SLC2A13: variants seen among roughly 807,000 people sequenced by gnomAD.
SLC2A13 encodes the protein solute carrier family 2 member 13.
Under a neutral mutation model 64.4 loss-of-function variants are expected in SLC2A13, and 32 were observed. The ratio of observed to expected loss-of-function variants is 0.50; its 90% CI spans 0.37 to 0.67. The LOEUF is 0.67. Ranked by LOEUF, SLC2A13 falls within the 30% of genes least tolerant of loss-of-function variation. The pLI is 0.00. For synonymous variants in SLC2A13, 338 were observed against 327.1 expected, an observed-to-expected ratio of 1.03 and a Z score of -0.36; for missense variants, 743 against 829.2, an observed-to-expected ratio of 0.90 and a Z score of 1.28.
chr12:39,959,799 A>G (rs970649432), intron 3 of SLC2A13, among the ~76,000 whole-genome samples: 3 of 152,194 alleles, frequency 2.0e-5, no homozygotes, highest in African/African-American at 2.4e-5. Context: ...CTAAATAAAT[A>G]ATTTTCTTTT....
At chr12:39,882,132 T>A (rs1350439785) in intron 4 of SLC2A13, among the ~76,000 whole-genome samples, 1 of 152,188 alleles carries the variant, frequency 6.6e-6, no homozygotes, top group Non-Finnish European at 1.5e-5. Flanking sequence ...CACTCATTCC[T>A]GCCCCTTACC....
At chr12:39,974,749 T>C (rs759286701) in intron 3 of SLC2A13, among the ~76,000 whole-genome samples, 17 of 152,324 alleles carry the variant, frequency 1.1e-4, no homozygotes, top group East Asian at 1.9e-4. Flanking sequence ...CTGAATACCA[T>C]TGCCTGTAAA....
chr12:39,886,851 T>C (rs1164780141), intron 4 of SLC2A13, among the ~76,000 whole-genome samples: 1 of 152,178 alleles, frequency 6.6e-6, no homozygotes, highest in Non-Finnish European at 1.5e-5. Flanking sequence ...AATTTCCTGA[T>C]AAAAGAGGAA....
At chr12:39,872,292 A>T (rs1944078031) in intron 4 of SLC2A13, among the ~76,000 whole-genome samples, 1 of 152,196 alleles carries the variant, frequency 6.6e-6, no homozygotes, top group African/African-American at 2.4e-5. Context: ...TTGGCCACAT[A>T]ATAAGGTTAT....
chr12:40,077,220 T>C (rs1236001771), intron 1 of SLC2A13, among the ~76,000 whole-genome samples: 1 of 152,170 alleles, frequency 6.6e-6, no homozygotes, highest in East Asian at 1.9e-4. Context: ...TCATGGAATC[T>C]TTGCCATGGC....
intron 3 of SLC2A13, among the ~76,000 whole-genome samples, chr12:39,961,516 T>A (rs1345525751): frequency 6.6e-6 from 1 of 152,186 alleles, no homozygotes; most frequent in African/African-American, 2.4e-5. Flanking sequence ...TTTTTTTGTT[T>A]ATGACAGGGT....
intron 2 of SLC2A13, among the ~76,000 whole-genome samples, chr12:40,047,144 C>T (rs888234135): frequency 5.3e-5 from 8 of 152,102 alleles, no homozygotes; most frequent in East Asian, 1.9e-4. Context: ...TCAAGTGATC[C>T]GCCCACCTTG....
chr12:40,007,265 GTTAT>G (rs1355612178), intron 3 of SLC2A13, among the ~76,000 whole-genome samples: 11 of 151,994 alleles, frequency 7.2e-5, no homozygotes, highest in Non-Finnish European at 1.3e-4. Flanking sequence ...TATACATTAG[GTTAT>G]TTGTCATATT....
intron 7 of SLC2A13, among the ~76,000 whole-genome samples, chr12:39,825,150 T>C (rs1361532765): frequency 6.6e-6 from 1 of 152,180 alleles, no homozygotes; most frequent in Non-Finnish European, 1.5e-5. Context: ...AAGTGCTGTA[T>C]TATAGGAAAC....
At chr12:39,985,395 A>C (rs1189810429) in intron 3 of SLC2A13, among the ~76,000 whole-genome samples, 1 of 152,200 alleles carries the variant, frequency 6.6e-6, no homozygotes, top group Non-Finnish European at 1.5e-5. Context: ...AAAGTGAAAT[A>C]AAATTATTCA....
intron 4 of SLC2A13, among the ~76,000 whole-genome samples, chr12:39,917,105 G>A (rs1945532880): frequency 6.6e-6 from 1 of 152,078 alleles, no homozygotes; most frequent in African/African-American, 2.4e-5. Flanking sequence ...AAAGGCAGGA[G>A]ACACCCATCA....
intron 3 of SLC2A13, among the ~76,000 whole-genome samples, chr12:40,005,465 AG>A (rs1947399374): frequency 6.6e-6 from 1 of 152,202 alleles, no homozygotes; most frequent in Non-Finnish European, 1.5e-5. Context: ...TTAAACTAAA[AG>A]GAAGTTTAAG....
intron 3 of SLC2A13, among the ~76,000 whole-genome samples, chr12:39,971,872 G>A (rs1946651081): frequency 6.6e-6 from 1 of 150,740 alleles, no homozygotes; most frequent in Admixed American, 6.6e-5. Flanking sequence ...CTACTCAGGA[G>A]GCTGAGGCAA....
intron 1 of SLC2A13, among the ~76,000 whole-genome samples, chr12:40,101,700 C>T: frequency 6.6e-6 from 1 of 152,256 alleles, no homozygotes; most frequent in African/African-American, 2.4e-5. Flanking sequence ...CTCATGACCA[C>T]CTCATCACCA....
intron 4 of SLC2A13, among the ~76,000 whole-genome samples, chr12:39,932,397 AT>A (rs372353062): frequency 1.1e-4 from 17 of 152,292 alleles, no homozygotes; most frequent in African/African-American, 4.1e-4. Flanking sequence ...AGACTTGACT[AT>A]AAAAAAGGAG....
chr12:39,976,013 A>C (rs1197588801), intron 3 of SLC2A13, among the ~76,000 whole-genome samples: 1 of 152,234 alleles, frequency 6.6e-6, no homozygotes. Context: ...TGACATCACA[A>C]TCAGATACGT....
intron 2 of SLC2A13, among the ~76,000 whole-genome samples, chr12:40,034,979 C>T (rs567292171): frequency 1.3e-3 from 196 of 152,246 alleles, no homozygotes; most frequent in African/African-American, 4.3e-3. Flanking sequence ...GGCATCCCCC[C>T]GAGCTGGAAC....
At chr12:39,857,508 C>G (rs11173979) in intron 6 of SLC2A13, among the ~76,000 whole-genome samples, 3 of 152,278 alleles carry the variant, frequency 2.0e-5, no homozygotes, top group Admixed American at 1.3e-4. Context: ...CTGTCACCAT[C>G]AAGGTTGCGT....
At chr12:40,051,704 G>C (rs1225636033) in intron 1 of SLC2A13, among the ~76,000 whole-genome samples, 6 of 152,164 alleles carry the variant, frequency 3.9e-5, no homozygotes, top group Admixed American at 2.0e-4. Flanking sequence ...AATCAGATCA[G>C]CTTAGGTAAG....
Sources: allele counts gnomAD v4.1 joint callset (sites outside exome capture counted in the v4.1 genomes callset), GRCh38; gene constraint gnomAD v4.1.1; transcripts MANE v1.5; gene names NCBI Gene and HGNC (gene_info 2026-07-23, HGNC 2026-07-21).